LIX1: variants seen among roughly 807,000 people sequenced by gnomAD.
The protein encoded by LIX1 is limb and CNS expressed 1.
In LIX1, 24 loss-of-function variants were observed where a neutral mutation model predicts 33.4. The observed-to-expected ratio is 0.72, with a 90% CI of 0.52 to 1.01. The LOEUF (loss-of-function observed/expected upper bound fraction) is 1.01. Ranked by LOEUF, LIX1 falls within the 50% of genes least tolerant of loss-of-function variation. The pLI is 0.00. For synonymous variants in LIX1, 124 were observed against 124.0 expected, an observed-to-expected ratio of 1.00 and a Z score of 0.00; for missense variants, 311 against 339.2, an observed-to-expected ratio of 0.92 and a Z score of 0.65.
chr5:97,108,337 A>C (rs1486876409), intron 2 of LIX1, among the ~76,000 whole-genome samples: 1 of 152,222 alleles, frequency 6.6e-6, no homozygotes, highest in Non-Finnish European at 1.5e-5. Flanking sequence ...TAGGCAGCCT[A>C]TGATTAGTGA....
intron 1 of LIX1, among the ~76,000 whole-genome samples, chr5:97,126,862 T>A (rs1347741710): frequency 6.6e-6 from 1 of 152,080 alleles, no homozygotes; most frequent in Non-Finnish European, 1.5e-5. Flanking sequence ...ATGGTCTTGA[T>A]CTCCTGACCT....
At chr5:97,104,472 C>T (rs11954059) in intron 4 of LIX1, among the ~76,000 whole-genome samples, 55,061 of 151,994 alleles carry the variant, frequency 0.36, 12,315 homozygotes, top group African/African-American at 0.64. Flanking sequence ...GACTGCCTGA[C>T]CCTGAACCCT....
In LIX1 at chr5:97,096,737, A is replaced by T. The variant is rs116089767; in HGVS notation, c.561+73T>A. 1,484 of 1,026,848 alleles carry T rather than the reference A, an allele frequency of 1.4e-3. 3 individuals carry two copies. The highest frequency in any genetic ancestry group is 2.1e-3 in the Non-Finnish European group (1,378 of 662,422). 63.6% of individuals were successfully genotyped at this position (1,026,848 alleles called of 1,614,324 possible). On this transcript the variant is annotated intron_variant, in intron 5 of 5. Transcript: ENST00000274382. ...ATTTGGAAAAATCCGAATAAAGGAA[A>T]TCTCCTGGGAAGATGATAAGCCACC...
At chr5:97,113,022 G>A (rs77094514) in intron 2 of LIX1, among the ~76,000 whole-genome samples, 182 of 152,294 alleles carry the variant, frequency 1.2e-3, no homozygotes, top group African/African-American at 4.3e-3. Flanking sequence ...AAGACACTAT[G>A]ACTTCCGTCT....
At chr5:97,103,558 A>T (rs1274403440) in intron 4 of LIX1, among the ~76,000 whole-genome samples, 5 of 152,230 alleles carry the variant, frequency 3.3e-5, no homozygotes, top group African/African-American at 1.2e-4. Flanking sequence ...TCTGGGTCAG[A>T]GCCACTGGGC....
At chr5:97,099,154 C>T (rs1188471769) in intron 4 of LIX1, among the ~76,000 whole-genome samples, 4 of 152,208 alleles carry the variant, frequency 2.6e-5, no homozygotes, top group Non-Finnish European at 4.4e-5. Flanking sequence ...CCTGGCCCCT[C>T]TCCTCCACAT....
At chr5:97,108,488 A>G (rs1235340185) in intron 2 of LIX1, among the ~76,000 whole-genome samples, 1 of 151,888 alleles carries the variant, frequency 6.6e-6, no homozygotes, top group African/African-American at 2.4e-5. Flanking sequence ...AACAACTCCC[A>G]TTTTTCAAGT....
intron 2 of LIX1, among the ~76,000 whole-genome samples, chr5:97,112,393 A>G (rs977246996): frequency 6.6e-6 from 1 of 152,240 alleles, no homozygotes; most frequent in Non-Finnish European, 1.5e-5. Flanking sequence ...CGTCAAAGAC[A>G]TCGGTTGGGG....
chr5:97,100,446 T>C (rs1466815367), intron 4 of LIX1, among the ~76,000 whole-genome samples: 1 of 152,218 alleles, frequency 6.6e-6, no homozygotes, highest in Non-Finnish European at 1.5e-5. Context: ...TTACATTATA[T>C]CCCCATCTAG....
chr5:97,140,430 G>A lies in LIX1; in HGVS notation c.82+2065C>T, dbSNP rs1748262105. Among the ~76,000 whole-genome samples the A allele has an allele frequency of 2.0e-5, 3 of 152,298 alleles. No homozygotes were observed. The South Asian group carries it at 6.2e-4, about 32-fold the overall frequency. ...GCAGGTTAGAGTGGAGGAGGAGCCA[G>A]CAGTGACTAGGAGGAGAGGGGACTG... is the stretch of plus-strand genomic sequence containing the variant. On this transcript the variant is annotated intron_variant, in intron 1 of 5. Transcript: ENST00000274382.
chr5:97,133,077 T>C (rs1163369921), intron 1 of LIX1, among the ~76,000 whole-genome samples: 1 of 152,198 alleles, frequency 6.6e-6, no homozygotes, highest in African/African-American at 2.4e-5. Context: ...TATGTTTTCA[T>C]AGGGAAAGTT....
At chr5:97,099,094 C>T (rs2112750263) in intron 4 of LIX1, among the ~76,000 whole-genome samples, 1 of 151,620 alleles carries the variant, frequency 6.6e-6, no homozygotes. Flanking sequence ...ATGGAGACCT[C>T]CCTGTCTGCA....
chr5:97,097,564 A>C (rs1746453529), intron 4 of LIX1, among the ~76,000 whole-genome samples: 1 of 152,208 alleles, frequency 6.6e-6, no homozygotes, highest in Non-Finnish European at 1.5e-5. Flanking sequence ...TGCCTGGGGG[A>C]CAGGAGTAGG....
At chr5:97,124,677 T>A (rs1747872399) in intron 1 of LIX1, 48 bp from the exon 2 acceptor site, 13 of 1,539,410 alleles carry the variant, frequency 8.4e-6, no homozygotes, top group Non-Finnish European at 9.7e-6. Flanking sequence ...GGACATAATC[T>A]GGTGCAAAAC....
intron 4 of LIX1, among the ~76,000 whole-genome samples, chr5:97,100,512 AT>A (rs1746638296): frequency 6.6e-6 from 1 of 152,154 alleles, no homozygotes; most frequent in Non-Finnish European, 1.5e-5. Flanking sequence ...GTATATTTAA[AT>A]ATTTTCACAT....
At chr5:97,095,877 A>G (rs1460283597) in intron 5 of LIX1, among the ~76,000 whole-genome samples, 1 of 152,208 alleles carries the variant, frequency 6.6e-6, no homozygotes, top group East Asian at 1.9e-4. Context: ...CAACCAGCAT[A>G]TTTCAAAGGC....
intron 4 of LIX1, among the ~76,000 whole-genome samples, chr5:97,103,675 G>A (rs1746838544): frequency 6.6e-6 from 1 of 152,172 alleles, no homozygotes; most frequent in Admixed American, 6.5e-5. Context: ...GATAAAACTG[G>A]ATGACTAAGG....
intron 1 of LIX1, among the ~76,000 whole-genome samples, chr5:97,132,811 A>G (rs1748085172): frequency 6.6e-6 from 1 of 152,180 alleles, no homozygotes; most frequent in African/African-American, 2.4e-5. Flanking sequence ...GGTGAGCCCA[A>G]GGTAGAACAT....
chr5:97,130,540 A>C (rs910355262), intron 1 of LIX1, among the ~76,000 whole-genome samples: 5 of 152,184 alleles, frequency 3.3e-5, no homozygotes, highest in African/African-American at 1.2e-4. Flanking sequence ...GCTGACACTG[A>C]ATTAAGGATG....
Sources: allele counts gnomAD v4.1 joint callset (sites outside exome capture counted in the v4.1 genomes callset), GRCh38; gene constraint gnomAD v4.1.1; transcripts MANE v1.5; gene names NCBI Gene and HGNC (gene_info 2026-07-23, HGNC 2026-07-21).